Variants in GPM6B observed in about 807,000 individuals in gnomAD.
GPM6B encodes glycoprotein M6B, also known as neuronal membrane glycoprotein M6-b.
Under a neutral mutation model 27.2 loss-of-function variants are expected in GPM6B, and 4 were observed. That is an observed-to-expected ratio of 0.15 (90% CI 0.07 to 0.34). The LOEUF (loss-of-function observed/expected upper bound fraction) is 0.34, where lower values mean the gene tolerates loss of function less well. Among genes scored for constraint, GPM6B ranks in the 10% least tolerant of loss-of-function variants. The pLI is 1.00. For synonymous variants in GPM6B, 124 were observed against 103.1 expected (o/e 1.20, Z -1.23); for missense variants, 183 against 261.9 (o/e 0.70, Z 2.08).
chrX:13,852,483 A>G (rs2049729153), intron 1 of GPM6B, among the ~76,000 whole-genome samples: 1 of 111,457 alleles, frequency 9.0e-6, no homozygotes, highest in South Asian at 3.8e-4. Flanking sequence ...TTCACTGTCT[A>G]ACTTGCCCCC....
upstream of GPM6B, among the ~76,000 whole-genome samples, chrX:13,818,489 A>G (rs912413423): frequency 1.8e-5 from 2 of 112,701 alleles, no homozygotes; most frequent in African/African-American, 6.4e-5. Flanking sequence ...TCTTATATTT[A>G]GAACTTCTAG....
At chrX:13,931,033 A>G (rs762592832) in intron 1 of GPM6B, among the ~76,000 whole-genome samples, 1 of 111,073 alleles carries the variant, frequency 9.0e-6, no homozygotes, top group East Asian at 2.8e-4. Context: ...AAATACAAAA[A>G]ATTAGCCAGG....
intron 1 of GPM6B, among the ~76,000 whole-genome samples, chrX:13,910,924 T>C (rs942457307): frequency 6.2e-5 from 7 of 112,436 alleles, no homozygotes; most frequent in African/African-American, 2.3e-4. Context: ...ACAAAAGCTT[T>C]TGATAGCACC....
intron 1 of GPM6B, among the ~76,000 whole-genome samples, chrX:13,914,158 G>T (rs1177016269): frequency 1.8e-5 from 2 of 112,034 alleles, no homozygotes; most frequent in Admixed American, 9.5e-5. Context: ...TCATTATTCT[G>T]AAAGAAAAAT....
At chrX:13,876,766 G>A (rs1484160601) in intron 1 of GPM6B, among the ~76,000 whole-genome samples, 1 of 110,365 alleles carries the variant, frequency 9.1e-6, no homozygotes, top group Non-Finnish European at 1.9e-5. Context: ...GGCTGTTCTC[G>A]GTGGAACCCA....
intron 1 of GPM6B, chrX:13,812,737 G>T (rs1358850493): frequency 9.0e-6 from 1 of 110,654 alleles, no homozygotes; most frequent in Non-Finnish European, 1.9e-5. Context: ...TTAATTCAGG[G>T]TTTACACTCA....
intron 3 of GPM6B, 194 bp from the exon 4 acceptor site, chrX:13,783,715 C>T (rs1217733198): frequency 6.5e-6 from 3 of 458,288 alleles, no homozygotes; most frequent in Non-Finnish European, 1.2e-5. Flanking sequence ...GGCCTTCCTT[C>T]CAAGGTGGGA....
At position 13,772,837 on chromosome X, in the gene GPM6B, T is replaced by G; in HGVS notation, c.*44A>C. ...ACTGCAGAGCAGCTGTCTGATGATT[T>G]GTCAGAGCTGTAAATACGTCGGCCG... On this transcript the variant is annotated 3_prime_UTR_variant, in exon 8 of 8. Transcript: ENST00000316715. The G allele has an allele frequency of 8.5e-7, 1 of 1,174,170 alleles. No individual in the cohort carries two copies. The highest frequency in any genetic ancestry group is 2.4e-4 in the Middle Eastern group (1 of 4,215).
At chrX:13,824,002 G>C (rs1385037682) in intron 1 of GPM6B, among the ~76,000 whole-genome samples, 1 of 112,295 alleles carries the variant, frequency 8.9e-6, no homozygotes, top group African/African-American at 3.2e-5. Flanking sequence ...GGTGTCTACT[G>C]CATCTGTCTG....
intron 2 of GPM6B, among the ~76,000 whole-genome samples, chrX:13,806,698 T>C (rs1315109178): frequency 8.9e-6 from 1 of 112,182 alleles, no homozygotes; most frequent in Non-Finnish European, 1.9e-5. Flanking sequence ...ACATTGTACC[T>C]TGGGATTGCC....
At chrX:13,799,176 G>A (rs937864278) in intron 2 of GPM6B, among the ~76,000 whole-genome samples, 2 of 95,672 alleles carry the variant, frequency 2.1e-5, no homozygotes, top group African/African-American at 3.9e-5. Context: ...TAGAAACCTC[G>A]ATTAGCCAAC....
chrX:13,926,219 C>A (rs1014289520), intron 1 of GPM6B, among the ~76,000 whole-genome samples: 16 of 105,041 alleles, frequency 1.5e-4, no homozygotes, highest in Non-Finnish European at 2.1e-4. Flanking sequence ...CTGGCTAACG[C>A]GGTGAAACCC....
intron 1 of GPM6B, among the ~76,000 whole-genome samples, chrX:13,924,789 C>T (rs1013606808): frequency 9.0e-6 from 1 of 111,640 alleles, no homozygotes. Context: ...CAACATGTGA[C>T]TCCCAGGACT....
chrX:13,886,719 T>TAAAAAAAAAAAAAAAAC (rs2050139174), intron 1 of GPM6B, among the ~76,000 whole-genome samples: 1 of 35,106 alleles, frequency 2.8e-5, no homozygotes, highest in Admixed American at 5.9e-4. Flanking sequence ...AAGTCACTAC[T>TAAAAAAAAAAAAAAAAC]AAAAAAAAAA....
At chrX:13,801,406 C>T (rs1413922557) in intron 2 of GPM6B, among the ~76,000 whole-genome samples, 1 of 112,115 alleles carries the variant, frequency 8.9e-6, no homozygotes, top group South Asian at 3.8e-4. Flanking sequence ...GAGTGCCGAG[C>T]AAAGTTTTTA....
chrX:13,774,236 G>C lies in GPM6B; in HGVS notation c.838-1206C>G, dbSNP rs1347530486. On this transcript the variant is annotated intron_variant, in intron 7 of 7. Coordinates refer to ENST00000316715, the MANE Select transcript of GPM6B (RefSeq NM_001001995.3). ...ACAGAAAATGTAAGTATTCCAAAGTGTTAATAATTCATTTAAAGATACTGC... is the reference window on the plus strand; with the variant it reads ...ACAGAAAATGTAAGTATTCCAAAGTCTTAATAATTCATTTAAAGATACTGC... The C allele has an allele frequency of 3.8e-6, 3 of 791,643 alleles. No homozygotes were observed. In the African/African-American group the frequency reaches 6.7e-5, roughly 18 times the overall value. The allele number at this position is 791,643 out of a possible 1,213,427, so 65.2% of individuals were successfully genotyped here. A position where few individuals can be genotyped will look rare whatever the true frequency, so the allele number is the denominator to read the frequency against.
At chrX:13,847,891 G>C (rs1046465399) in intron 1 of GPM6B, among the ~76,000 whole-genome samples, 1 of 112,205 alleles carries the variant, frequency 8.9e-6, no homozygotes, top group Non-Finnish European at 1.9e-5. Context: ...ATTTAAAGCA[G>C]TGTGGCTAGA....
chrX:13,856,752 T>G (rs997117838), intron 1 of GPM6B, among the ~76,000 whole-genome samples: 1 of 105,696 alleles, frequency 9.5e-6, no homozygotes, highest in Non-Finnish European at 1.9e-5. Context: ...CAGGCTGGAG[T>G]GCAGAGGTGC....
intron 1 of GPM6B, among the ~76,000 whole-genome samples, chrX:13,854,478 T>C (rs1023474244): frequency 8.9e-6 from 1 of 112,056 alleles, no homozygotes; most frequent in Non-Finnish European, 1.9e-5. Context: ...CACAGCAAGT[T>C]ATCTTCCAGG....
Sources: gnomAD v4.1 joint callset for allele counts (sites outside exome capture counted in the v4.1 genomes callset) on GRCh38, gnomAD v4.1.1 for gene constraint, MANE v1.5 for transcripts, NCBI Gene and HGNC (gene_info 2026-07-23, HGNC 2026-07-21) for gene names.